Variants in ARHGAP5 observed in about 807,000 individuals in gnomAD.
The protein encoded by ARHGAP5 is rho GTPase-activating protein 5.
A neutral mutation model predicts 116.6 loss-of-function variants in ARHGAP5; 23 were observed. The ratio of observed to expected loss-of-function variants is 0.20; its 90% confidence interval spans 0.14 to 0.28. The LOEUF is 0.28. Among genes scored for constraint, ARHGAP5 ranks in the 10% least tolerant of loss-of-function variants. The probability of loss-of-function intolerance (pLI) is 1.00; values close to 1 mark genes in which losing one functional copy is unlikely to be tolerated. For missense variants in ARHGAP5, 1,405 were observed against 1,774.8 expected, an observed-to-expected ratio of 0.79 and a Z score of 3.74; for synonymous variants, 574 against 602.0, an observed-to-expected ratio of 0.95 and a Z score of 0.68.
intron 2 of ARHGAP5, among the ~76,000 whole-genome samples, chr14:32,094,717 G>C (rs1054971989): frequency 1.3e-5 from 2 of 151,940 alleles, no homozygotes; most frequent in Non-Finnish European, 2.9e-5. Context: ...TGCCCTACCA[G>C]TTTTGCGGTA....
At chr14:32,112,012 T>C (rs533649585) in intron 2 of ARHGAP5, among the ~76,000 whole-genome samples, 1 of 152,076 alleles carries the variant, frequency 6.6e-6, no homozygotes, top group African/African-American at 2.4e-5. Context: ...AGAGGTGGTG[T>C]TTCACCATGT....
intron 3 of ARHGAP5, among the ~76,000 whole-genome samples, chr14:32,134,279 G>A (rs1050132240): frequency 2.9e-4 from 44 of 152,220 alleles, no homozygotes; most frequent in African/African-American, 9.6e-4. Flanking sequence ...CTAGAAAGTA[G>A]TGACACATTT....
At chr14:32,128,989 C>CT (rs1301271083) in intron 3 of ARHGAP5, among the ~76,000 whole-genome samples, 1 of 152,206 alleles carries the variant, frequency 6.6e-6, no homozygotes, top group Non-Finnish European at 1.5e-5. Context: ...GTGTTAGAGA[C>CT]TTACGCTTTC....
intron 2 of ARHGAP5, among the ~76,000 whole-genome samples, chr14:32,116,454 G>A (rs1326433661): frequency 2.0e-5 from 3 of 151,358 alleles, no homozygotes; most frequent in African/African-American, 7.3e-5. Flanking sequence ...TTAGCCGGGC[G>A]TGGTGGTGGG....
At position 32,157,218 on chromosome 14, in the gene ARHGAP5, G is replaced by A. The variant is rs1307986620; in HGVS notation, c.*2270G>A. The A allele has an allele frequency of 1.3e-5, 2 of 151,190 alleles. No individual in the cohort carries two copies. The highest frequency in any genetic ancestry group is 3.9e-4 in the East Asian group (2 of 5,186). The allele number at this position is 151,190 out of a possible 1,614,324, so 9.4% of individuals were successfully genotyped here. On this transcript the variant is annotated 3_prime_UTR_variant, in exon 7 of 7. Coordinates refer to ENST00000345122, the MANE Select transcript of ARHGAP5 (RefSeq NM_001030055.2). ...AAATTAAAGTACAGTTTAAAGCTCA[G>A]TCTGTTACACTGAATTGATTGTGTT...
chr14:32,143,221 G>A (rs1173166476), intron 3 of ARHGAP5, among the ~76,000 whole-genome samples: 1 of 147,562 alleles, frequency 6.8e-6, no homozygotes, highest in Non-Finnish European at 1.5e-5. Context: ...TGTTGTTGTT[G>A]TTGTTGTTGT....
chr14:32,143,236 G>GTTATTATTATTATTATTATTA (rs765079635), intron 3 of ARHGAP5, among the ~76,000 whole-genome samples: 17 of 143,642 alleles, frequency 1.2e-4, no homozygotes, highest in African/African-American at 4.5e-4. Context: ...TGTTGTTGTT[G>GTTATTATTATTATTATTATTA]TTGTTATTAT....
chr14:32,092,798 A>G lies in ARHGAP5; in HGVS notation c.2129A>G (p.Asn710Ser). The change falls in exon 2 of 7, where the codon AAT (asparagine) becomes AGT (serine). Residue 710 changes from asparagine (N) to serine (S), a missense_variant. Coordinates refer to ENST00000345122, the MANE Select transcript of ARHGAP5 (RefSeq NM_001030055.2). The surrounding 1 kb of genome is among the most constrained non-coding windows in gnomAD (Gnocchi z 4.1). ...LANQRDSISKNLPILRHQGQQ... is the reference protein window; with the variant it reads ...LANQRDSISKSLPILRHQGQQ... ...AATCAGAGAGATTCCATTAGTAAGA[A>G]TCTACCAATTCTCAGGCACCAAGGG... The G allele has an allele frequency of 6.2e-7, 1 of 1,614,070 alleles. No homozygotes were observed. Among genetic ancestry groups the G allele is most frequent in the South Asian group, 1.1e-5 (1 of 91,078 alleles).
chr14:32,099,046 A>C (rs565859098), intron 2 of ARHGAP5, among the ~76,000 whole-genome samples: 5 of 152,132 alleles, frequency 3.3e-5, no homozygotes, highest in South Asian at 2.1e-4. Context: ...TGGGAGGGAG[A>C]GTGTTGGCGA....
At position 32,159,438 on chromosome 14, in the gene ARHGAP5, G is replaced by A. The variant is rs1882022163; in HGVS notation, c.*4490G>A. ...ACCTATTTTTTTAAGTTTATTTTTT[G>A]TATTAGATTTTATTTGAATAAGTTA... On this transcript the variant is annotated 3_prime_UTR_variant, in exon 7 of 7. Transcript: ENST00000345122. 1 of 151,850 alleles carries A rather than the reference G, an allele frequency of 6.6e-6. No individual in the cohort carries two copies. The highest frequency in any genetic ancestry group is 1.5e-5 in the Non-Finnish European group (1 of 67,950). 9.4% of individuals were successfully genotyped at this position (151,850 alleles called of 1,614,324 possible).
intron 3 of ARHGAP5, among the ~76,000 whole-genome samples, chr14:32,140,870 T>A (rs1881093550): frequency 6.6e-6 from 1 of 152,238 alleles, no homozygotes; most frequent in African/African-American, 2.4e-5. Flanking sequence ...TCTGTTTTCC[T>A]TGGTGATCTG....
chr14:32,103,699 G>GTT (rs141101133), intron 2 of ARHGAP5, among the ~76,000 whole-genome samples: 1 of 152,036 alleles, frequency 6.6e-6, no homozygotes, highest in African/African-American at 2.4e-5. Context: ...CCTAGGAGAG[G>GTT]TTTTTTACAG....
At position 32,093,086 on chromosome 14, in the gene ARHGAP5, G is replaced by A. The variant is rs1375474689; in HGVS notation, c.2417G>A (p.Ser806Asn). 4 of 1,613,822 alleles carry A rather than the reference G, an allele frequency of 2.5e-6. No individual in the cohort carries two copies. The African/African-American group carries it at 5.3e-5, about 22-fold the overall frequency. Reference protein sequence around the residue: ...LSPFLDSHSCSAAQAGQNNSL... With the variant: ...LSPFLDSHSCNAAQAGQNNSL... Reference sequence around the variant, plus strand: ...CCCTTCCTTGATTCTCATTCTTGCAGTGCTGCTCAAGCTGGACAGAATAAT... The same window carrying A: ...CCCTTCCTTGATTCTCATTCTTGCAATGCTGCTCAAGCTGGACAGAATAAT... Residue 806 changes from serine (S) to asparagine (N), a missense_variant, in exon 2 of 7, where the codon AGT becomes AAT. Transcript: ENST00000345122.
Position 32,155,221 on chromosome 14 carries a change from C to G in ARHGAP5, c.*273C>G, listed in dbSNP as rs1881841236. On this transcript the variant is annotated 3_prime_UTR_variant, in exon 7 of 7. Coordinates refer to ENST00000345122, the MANE Select transcript of ARHGAP5 (RefSeq NM_001030055.2). The stretch of plus-strand genomic sequence containing the variant: ...TGCAACCTTATTGCAATCAGTATAT[C>G]ATTCCTGTGGCAATTTCTGTCACCT... 6.7e-6 allele frequency: 2 copies of G among 298,510 alleles called. No individual in the cohort carries two copies. The highest frequency in any genetic ancestry group is 1.2e-5 in the Non-Finnish European group (2 of 160,662). 18.5% of individuals were successfully genotyped at this position (298,510 alleles called of 1,614,324 possible).
At position 32,091,365 on chromosome 14, in the gene ARHGAP5, T is replaced by A; in HGVS notation, c.696T>A (p.Asn232Lys). Residue 232 changes from asparagine to lysine, a missense_variant, in exon 2 of 7, where the codon AAT (asparagine) becomes AAA (lysine). Coordinates refer to ENST00000345122, the MANE Select transcript of ARHGAP5 (RefSeq NM_001030055.2). ...LLVVETSARFNVNIETCFTAL... is the reference protein window; with the variant it reads ...LLVVETSARFKVNIETCFTAL... Reference sequence around the variant, plus strand: ...TAGTGGAAACATCAGCACGATTTAATGTCAACATTGAAACATGTTTTACTG... The same window carrying A: ...TAGTGGAAACATCAGCACGATTTAAAGTCAACATTGAAACATGTTTTACTG... The A allele has an allele frequency of 6.2e-7, 1 of 1,612,480 alleles. No homozygotes were observed. The highest frequency in any genetic ancestry group is 1.7e-5 in the Admixed American group (1 of 59,814).
chr14:32,098,416 T>A (rs1029940958), intron 2 of ARHGAP5, among the ~76,000 whole-genome samples: 2 of 152,198 alleles, frequency 1.3e-5, no homozygotes, highest in Non-Finnish European at 2.9e-5. Flanking sequence ...TCTTGAAAAG[T>A]CATTTTTAGT....
chr14:32,080,192 G>A (rs2041757589), intron 1 of ARHGAP5, among the ~76,000 whole-genome samples: 1 of 151,802 alleles, frequency 6.6e-6, no homozygotes, highest in Non-Finnish European at 1.5e-5. Flanking sequence ...TTGGATTCCT[G>A]TGGGTTTTTT....
chr14:32,109,137 T>C (rs778939500), intron 2 of ARHGAP5, among the ~76,000 whole-genome samples: 1 of 152,170 alleles, frequency 6.6e-6, no homozygotes, highest in Non-Finnish European at 1.5e-5. Context: ...CTTAACTCTT[T>C]GGAGTCCTTT....
chr14:32,092,160 T>C lies in ARHGAP5; in HGVS notation c.1491T>C (p.His497=), dbSNP rs755474904. The C allele has an allele frequency of 1.2e-6, 2 of 1,613,752 alleles. No homozygotes were observed. Among genetic ancestry groups the C allele is most frequent in the South Asian group, 1.1e-5 (1 of 91,054 alleles). Residue 497 remains histidine, a synonymous_variant, in exon 2 of 7, where the codon CAT becomes CAC. Transcript: ENST00000345122. This position sits in a 1 kb window ranked among gnomAD's most constrained non-coding sequence, Gnocchi z 4.1. ...AGTTTCAAGAAATGCTTTTTGAGCA[T>C]TCTGAACTTTTTTATGATTTAGATC... ...KEEFQEMLFE[H]SELFYDLDLN...
Sources: gnomAD v4.1 joint callset for allele counts (sites outside exome capture counted in the v4.1 genomes callset) on GRCh38, gnomAD v4.1.1 for gene constraint, Gnocchi (gnomAD v3.1) non-coding constraint, MANE v1.5 for transcripts, NCBI Gene and HGNC (gene_info 2026-07-23, HGNC 2026-07-21) for gene names.